Variants in LEPR observed in about 807,000 individuals in gnomAD.
The protein encoded by LEPR is OB receptor.
In LEPR, 56 loss-of-function variants were observed where a neutral mutation model predicts 114.7. The observed-to-expected ratio is 0.49, with a 90% confidence interval of 0.39 to 0.61. LEPR has a LOEUF of 0.61. Among genes scored for constraint, LEPR ranks in the 20% least tolerant of loss-of-function variants. LEPR has a pLI of 0.00. For missense variants in LEPR, 1,202 were observed against 1,352.9 expected, an observed-to-expected ratio of 0.89 and a Z score of 1.75; for synonymous variants, 443 against 461.4, an observed-to-expected ratio of 0.96 and a Z score of 0.51.
At chr1:65,519,099 G>T (rs1444840945) in intron 2 of LEPR, among the ~76,000 whole-genome samples, 2 of 100,620 alleles carry the variant, frequency 2.0e-5, no homozygotes, top group Admixed American at 2.3e-4. Flanking sequence ...TCCATCCTCT[G>T]TGTCTCTCTC....
At chr1:65,506,494 A>G (rs1235522720) in intron 2 of LEPR, among the ~76,000 whole-genome samples, 1 of 152,226 alleles carries the variant, frequency 6.6e-6, no homozygotes, top group Non-Finnish European at 1.5e-5. Flanking sequence ...GGACTCTTCA[A>G]TTAAGTATGG....
At chr1:65,603,856 A>T (rs1481026942) in intron 10 of LEPR, among the ~76,000 whole-genome samples, 6 of 152,056 alleles carry the variant, frequency 3.9e-5, no homozygotes, top group South Asian at 2.1e-4. Context: ...CACTTATAAA[A>T]TTTTTTTTAA....
At chr1:65,597,532 G>A (rs1346461520) in intron 7 of LEPR, among the ~76,000 whole-genome samples, 1 of 151,976 alleles carries the variant, frequency 6.6e-6, no homozygotes, top group South Asian at 2.1e-4. Context: ...GAAGGAGATG[G>A]TAATGTAGAT....
intron 2 of LEPR, among the ~76,000 whole-genome samples, chr1:65,485,952 C>G (rs1443817194): frequency 1.3e-5 from 2 of 152,142 alleles, no homozygotes; most frequent in Non-Finnish European, 2.9e-5. Flanking sequence ...TTCCCCAAAG[C>G]TCCATTTTGG....
chr1:65,614,830 CAT>C (rs1335817511), intron 14 of LEPR, among the ~76,000 whole-genome samples: 18 of 152,240 alleles, frequency 1.2e-4, no homozygotes, highest in Non-Finnish European at 5.9e-5. Flanking sequence ...AGTAGTAAGA[CAT>C]GTGCCCAGAC....
In LEPR at chr1:65,538,454, G is replaced by C. The variant is rs139762968; in HGVS notation, c.-20-27092G>C. Among the ~76,000 whole-genome samples the C allele has an allele frequency of 9.0e-4, 136 of 151,920 alleles. 3 individuals are homozygous for C. In the East Asian group the frequency reaches 0.025, roughly 28 times the overall value. ...TTTCCTGAATGTGTATGTTTTTGTCGTTTTTGGTTTTCTCCTCATTTTGCT... is the reference window on the plus strand; with the variant it reads ...TTTCCTGAATGTGTATGTTTTTGTCCTTTTTGGTTTTCTCCTCATTTTGCT... On this transcript the variant is annotated intron_variant, in intron 2 of 19. Transcript: ENST00000349533.
chr1:65,447,101 G>C (rs1035055195), intron 2 of LEPR, among the ~76,000 whole-genome samples: 2 of 152,070 alleles, frequency 1.3e-5, no homozygotes, highest in African/African-American at 2.4e-5. Flanking sequence ...CAAAGTGCTA[G>C]GATTAAATTT....
chr1:65,550,429 C>A (rs1321812449), intron 2 of LEPR, among the ~76,000 whole-genome samples: 1 of 152,240 alleles, frequency 6.6e-6, no homozygotes. Context: ...GTGGAGCCTA[C>A]AGAGGCAGGC....
chr1:65,641,400 C>A lies in LEPR; in HGVS notation c.*4385C>A, dbSNP rs543295978. 4.6e-5 allele frequency: 7 copies of A among 152,230 alleles called. No individual in the cohort carries two copies. In the East Asian group the frequency reaches 5.8e-4, roughly 13 times the overall value. 9.4% of individuals were successfully genotyped at this position (152,230 alleles called of 1,614,324 possible). On this transcript the variant is annotated 3_prime_UTR_variant, in exon 20 of 20. Coordinates refer to ENST00000349533, the MANE Select transcript of LEPR (RefSeq NM_002303.6). ...TAATAAATGTTATAAACGTAAGTGC[C>A]AAGATATGCATCACTAACTGTTCTA... is the stretch of plus-strand genomic sequence containing the variant.
intron 2 of LEPR, among the ~76,000 whole-genome samples, chr1:65,476,003 C>T (rs922729890): frequency 9.2e-5 from 14 of 151,480 alleles, no homozygotes; most frequent in South Asian, 4.2e-4. Flanking sequence ...GGTGACAGAA[C>T]GAGACCCTGT....
At chr1:65,469,511 A>C (rs1647056909) in intron 2 of LEPR, among the ~76,000 whole-genome samples, 1 of 152,226 alleles carries the variant, frequency 6.6e-6, no homozygotes. Flanking sequence ...AGATGACTAA[A>C]TACTCGGGTT....
At chr1:65,526,304 T>C (rs563923882) in intron 2 of LEPR, 1 of 985,390 alleles carries the variant, frequency 1.0e-6, no homozygotes, top group East Asian at 1.1e-4. Flanking sequence ...CCCCCTTCCC[T>C]GCAAGCAAAT....
Position 65,601,602 on chromosome 1 carries a change from G to T in LEPR, c.1205G>T (p.Arg402Leu), listed in dbSNP as rs773307282. The T allele has an allele frequency of 6.2e-7, 1 of 1,613,650 alleles. No individual in the cohort carries two copies. The highest frequency in any genetic ancestry group is 8.5e-7 in the Non-Finnish European group (1 of 1,179,730). Residue 402 changes from arginine to leucine, a missense_variant, in exon 9 of 20, where the codon CGA becomes CTA. By Grantham distance (102) the Arg-to-Leu change is moderately radical. Coordinates refer to ENST00000349533, the MANE Select transcript of LEPR (RefSeq NM_002303.6). ...TTCAATCTGAATGAAACCAAACCTC[G>T]AGGAAAGTTTACCTATGATGCAGTG... ...TFFNLNETKP[R>L]GKFTYDAVYC...
rs1658759056 is a variant in LEPR, at chr1:65,637,626, A to G, written c.*611A>G. On this transcript the variant is annotated 3_prime_UTR_variant, in exon 20 of 20. Coordinates refer to ENST00000349533, the MANE Select transcript of LEPR (RefSeq NM_002303.6). ...CCACAATCAGTATTTTGATGACAACACAAGCACTTTTGAAAACATAATGTC... is the reference window on the plus strand; with the variant it reads ...CCACAATCAGTATTTTGATGACAACGCAAGCACTTTTGAAAACATAATGTC... 6.6e-6 allele frequency: 1 copy of G among 152,298 alleles called. No homozygotes were observed. The highest frequency in any genetic ancestry group is 2.4e-5 in the African/African-American group (1 of 41,468). 9.4% of individuals were successfully genotyped at this position (152,298 alleles called of 1,614,324 possible). A position where few individuals can be genotyped will look rare whatever the true frequency, so the allele number is the denominator to read the frequency against.
intron 2 of LEPR, among the ~76,000 whole-genome samples, chr1:65,510,691 CT>C (rs1410547376): frequency 6.6e-6 from 1 of 152,100 alleles, no homozygotes; most frequent in African/African-American, 2.4e-5. Context: ...TGAATTCAGG[CT>C]CTGAAGATTA....
At chr1:65,584,718 A>G (rs1655206066) in intron 5 of LEPR, among the ~76,000 whole-genome samples, 1 of 152,104 alleles carries the variant, frequency 6.6e-6, no homozygotes, top group Non-Finnish European at 1.5e-5. Context: ...TAATGGGTAC[A>G]TGGTCAAATA....
At position 65,636,769 on chromosome 1, in the gene LEPR, A is replaced by G. The variant is rs766637696; in HGVS notation, c.3252A>G (p.Ser1084=). The G allele has an allele frequency of 1.2e-6, 2 of 1,614,072 alleles. No homozygotes were observed. Among genetic ancestry groups the G allele is most frequent in the Non-Finnish European group, 1.7e-6 (2 of 1,179,998 alleles). Residue 1084 remains serine (S), a synonymous_variant, in exon 20 of 20, where the codon TCA becomes TCG. Transcript: ENST00000349533. ...CTATCTATTATTTAGGGGTCACCTC[A>G]ATCAAAAAGAGAGAGAGTGGTGTGC... ...KKSIYYLGVT[S]IKKRESGVLL... is the part of the protein sequence containing the mutation.
rs531918225 is a variant in LEPR, at chr1:65,432,178, A to C, written c.-21+6800A>C. 6.5e-4 allele frequency: 737 copies of C among 1,127,054 alleles called. 9 individuals carry two copies. In the South Asian group the frequency reaches 0.012, roughly 18 times the overall value. 69.8% of individuals were successfully genotyped at this position (1,127,054 alleles called of 1,614,324 possible). A position where few individuals can be genotyped will look rare whatever the true frequency, so the allele number is the denominator to read the frequency against. ...TGTAGTCACGGTGCTCTCAGAAAATATATTAACGCAGTCTTGTAGGCAGCT... is the reference window on the plus strand; with the variant it reads ...TGTAGTCACGGTGCTCTCAGAAAATCTATTAACGCAGTCTTGTAGGCAGCT... On this transcript the variant is annotated intron_variant, in intron 2 of 19. Coordinates refer to ENST00000349533, the MANE Select transcript of LEPR (RefSeq NM_002303.6).
chr1:65,577,174 G>C (rs1199703307), intron 5 of LEPR: 1 of 161,102 alleles, frequency 6.2e-6, no homozygotes, highest in Non-Finnish European at 1.4e-5. Flanking sequence ...GCCAGCAAGG[G>C]CTGCTGCCAC....
Sources: allele counts gnomAD v4.1 joint callset (sites outside exome capture counted in the v4.1 genomes callset), GRCh38; gene constraint gnomAD v4.1.1; transcripts MANE v1.5; gene names NCBI Gene and HGNC (gene_info 2026-07-23, HGNC 2026-07-21).